Variants in OR4K1 observed in about 807,000 individuals in gnomAD.
OR4K1 encodes olfactory receptor 4K1.
A neutral mutation model predicts 14.4 loss-of-function variants in OR4K1; 16 were observed. The ratio of observed to expected loss-of-function variants is 1.11; its 90% CI spans 0.75 to 1.68. The LOEUF (loss-of-function observed/expected upper bound fraction) is 1.68, where lower values mean the gene tolerates loss of function less well. Ranked by LOEUF, OR4K1 falls within the 40% of genes most tolerant of loss-of-function variation. The pLI, the probability that OR4K1 is intolerant of heterozygous loss-of-function variation, is 0.00. For missense variants in OR4K1, 548 were observed against 376.9 expected (o/e 1.45, Z -3.76); for synonymous variants, 181 against 133.1 (o/e 1.36, Z -2.48).
At chr14:19,928,450 C>T (rs1882108047), upstream of OR4K1, among the ~76,000 whole-genome samples, 1 of 152,178 alleles carries the variant, frequency 6.6e-6, no homozygotes, top group Non-Finnish European at 1.5e-5. Flanking sequence ...GTTTATCTTT[C>T]TCCAATGTGT....
rs756426953 is a variant in OR4K1, at chr14:19,935,647, G to A, written c.-19-1G>A. The A allele has an allele frequency of 1.9e-6, 3 of 1,544,166 alleles. No individual in the cohort carries two copies. The highest frequency in any genetic ancestry group is 4.3e-5 in the Admixed American group (2 of 46,216). On this transcript the variant is annotated splice_acceptor_variant, in intron 1 of 1. Coordinates refer to ENST00000641172, the MANE Select transcript of OR4K1 (RefSeq NM_001004063.3). LOFTEE classifies it low-confidence loss of function (5UTR_SPLICE). ...ACATTTTTCTGATTTCTTTTTTTTA[G>A]GTAACTGAATATTGGATACATGGCT...
At chr14:19,922,653 C>T in the OR4K1 span, among the ~76,000 whole-genome samples, 4 of 73,490 alleles carry the variant, frequency 5.4e-5, no homozygotes, top group African/African-American at 1.3e-4. Flanking sequence ...TTTACATGTA[C>T]TCTTTTTTTT....
chr14:19,933,957 T>C (rs1186457707), intron 1 of OR4K1, among the ~76,000 whole-genome samples: 2 of 152,264 alleles, frequency 1.3e-5, no homozygotes, highest in Non-Finnish European at 2.9e-5. Flanking sequence ...GTGTAGGATA[T>C]AGTGCTCCAA....
the OR4K1 span, chr14:19,920,605 C>A: frequency 3.1e-6 from 5 of 1,597,186 alleles, no homozygotes; most frequent in Non-Finnish European, 4.3e-6. Context: ...CAGCTTGGAA[C>A]CATGGATAAG....
intron 1 of OR4K1, among the ~76,000 whole-genome samples, chr14:19,931,530 C>T (rs1882184011): frequency 1.3e-5 from 2 of 152,242 alleles, no homozygotes; most frequent in Non-Finnish European, 2.9e-5. Context: ...TAGCTATACA[C>T]AGTAGAGTAA....
rs958320744 is a variant in OR4K1 at position 19,935,733 on chromosome 14, C to A, written c.67C>A (p.Leu23Ile). ...VLLGLSNSWG[L>I]QLFFFAIFSI... is the part of the protein sequence containing the mutation. Reference sequence around the variant, plus strand: ...TTTGGGACTCTCTAATTCCTGGGGACTTCAACTTTTCTTTTTTGCCATCTT... The same window carrying A: ...TTTGGGACTCTCTAATTCCTGGGGAATTCAACTTTTCTTTTTTGCCATCTT... Residue 23 changes from leucine (L) to isoleucine (I), a missense_variant, in exon 2 of 2, where the codon CTT becomes ATT. By Grantham distance (5) the Leu-to-Ile change is conservative (BLOSUM62 2). Coordinates refer to ENST00000641172, the MANE Select transcript of OR4K1 (RefSeq NM_001004063.3). The A allele has an allele frequency of 5.6e-6, 9 of 1,613,924 alleles. No homozygotes were observed. Among genetic ancestry groups the A allele is most frequent in the Non-Finnish European group, 7.6e-6 (9 of 1,179,982 alleles).
In OR4K1 at chr14:19,936,674, C is replaced by T. The variant is rs530430568; in HGVS notation, c.*72C>T. ...CAGTGTATCATAGTGTCATGCCAAC[C>T]ATCTTTGCCAGACATATGGGTTATT... On this transcript the variant is annotated 3_prime_UTR_variant, in exon 2 of 2. Coordinates refer to ENST00000641172, the MANE Select transcript of OR4K1 (RefSeq NM_001004063.3). 3 of 1,373,784 alleles carry T rather than the reference C, an allele frequency of 2.2e-6. No homozygotes were observed. Among genetic ancestry groups the T allele is most frequent in the Non-Finnish European group, 3.0e-6 (3 of 1,016,222 alleles). The allele number at this position is 1,373,784 out of a possible 1,614,324, so 85.1% of individuals were successfully genotyped here.
At chr14:19,935,612 A>G in intron 1 of OR4K1, 36 bp from the exon 2 acceptor site, 1 of 1,413,314 alleles carries the variant, frequency 7.1e-7, no homozygotes, top group Admixed American at 2.2e-5. Flanking sequence ...TTGTAATGCC[A>G]ATCATTGTGA....
intron 1 of OR4K1, among the ~76,000 whole-genome samples, chr14:19,933,542 G>A (rs1279671184): frequency 2.0e-5 from 3 of 152,170 alleles, no homozygotes; most frequent in African/African-American, 7.2e-5. Flanking sequence ...CTTGTAGTTA[G>A]GTCAGTTCAT....
upstream of OR4K1, among the ~76,000 whole-genome samples, chr14:19,927,899 A>G (rs1882095209): frequency 6.6e-6 from 1 of 152,250 alleles, no homozygotes; most frequent in Admixed American, 6.5e-5. Flanking sequence ...AATTATAGAC[A>G]AAAGTATTTA....
chr14:19,933,943 G>A (rs536781280), intron 1 of OR4K1, among the ~76,000 whole-genome samples: 181 of 152,332 alleles, frequency 1.2e-3, no homozygotes, highest in African/African-American at 4.3e-3. Context: ...GGAAAGCCCT[G>A]AAAGTGTAGG....
intron 1 of OR4K1, among the ~76,000 whole-genome samples, chr14:19,932,098 G>A (rs1490992582): frequency 6.6e-6 from 1 of 152,208 alleles, no homozygotes; most frequent in East Asian, 1.9e-4. Context: ...TTAGTTTGGA[G>A]AGGAATTTCT....
upstream of OR4K1, among the ~76,000 whole-genome samples, chr14:19,928,050 G>C (rs894366628): frequency 2.0e-5 from 3 of 152,204 alleles, no homozygotes; most frequent in East Asian, 3.8e-4. Flanking sequence ...AAAGTCTGTT[G>C]TTGAGATTAT....
At position 19,934,673 on chromosome 14, in the gene OR4K1, A is replaced by G. The variant is rs548708959; in HGVS notation, c.-19-975A>G. Reference sequence around the variant, plus strand: ...TTTTCTTTTCTTTTTTCTTCTTTTAACATTTTTTTTTTTTGAGACAGAGTT... The same window carrying G: ...TTTTCTTTTCTTTTTTCTTCTTTTAGCATTTTTTTTTTTTGAGACAGAGTT... On this transcript the variant is annotated intron_variant, in intron 1 of 1. Transcript: ENST00000641172. Among the ~76,000 whole-genome samples the G allele has an allele frequency of 1.2e-4, 18 of 148,624 alleles. No homozygotes were observed. In the South Asian group the frequency reaches 2.5e-3, roughly 21 times the overall value.
intron 1 of OR4K1, among the ~76,000 whole-genome samples, chr14:19,932,489 C>G (rs1489465849): frequency 3.9e-5 from 6 of 152,186 alleles, no homozygotes; most frequent in Admixed American, 3.9e-4. Context: ...ATCGCCATTT[C>G]ACATGTTAGA....
At chr14:19,933,727 G>A (rs1882238421) in intron 1 of OR4K1, among the ~76,000 whole-genome samples, 1 of 152,116 alleles carries the variant, frequency 6.6e-6, no homozygotes, top group Non-Finnish European at 1.5e-5. Flanking sequence ...CGAGTAGCTG[G>A]GACTACAAGT....
the OR4K1 span, among the ~76,000 whole-genome samples, chr14:19,923,585 A>C: frequency 5.3e-5 from 8 of 152,208 alleles, no homozygotes; most frequent in Admixed American, 2.0e-4. Context: ...AAGAAAAAAT[A>C]TGTCAACAAA....
the OR4K1 span, among the ~76,000 whole-genome samples, chr14:19,925,848 TGA>T: frequency 6.6e-6 from 1 of 152,264 alleles, no homozygotes; most frequent in Non-Finnish European, 1.5e-5. Context: ...GGCAATAGTA[TGA>T]GTCAAGTTAG....
At chr14:19,924,675 C>T in the OR4K1 span, among the ~76,000 whole-genome samples, 4 of 152,130 alleles carry the variant, frequency 2.6e-5, no homozygotes, top group Non-Finnish European at 2.9e-5. Flanking sequence ...TACCATTTGA[C>T]CCAGCAAACC....
Sources: gnomAD v4.1 joint callset for allele counts (sites outside exome capture counted in the v4.1 genomes callset) on GRCh38, gnomAD v4.1.1 for gene constraint, MANE v1.5 for transcripts, NCBI Gene and HGNC (gene_info 2026-07-23, HGNC 2026-07-21) for gene names.